Variants in PDZRN3 observed in about 807,000 individuals in gnomAD.
PDZRN3 encodes PDZ domain containing ring finger 3, also known as E3 ubiquitin-protein ligase PDZRN3.
PDZRN3 carries 38 observed loss-of-function variants against 85.7 expected under a neutral mutation model. The ratio of observed to expected loss-of-function variants is 0.44; its 90% CI spans 0.34 to 0.58. The LOEUF is 0.58. PDZRN3 is among the 20% of genes least tolerant of loss of function. The pLI, the probability that PDZRN3 is intolerant of heterozygous loss-of-function variation, is 0.01. For synonymous variants in PDZRN3, 759 were observed against 638.0 expected (o/e 1.19, Z -2.86); for missense variants, 1,629 against 1,506.4 (o/e 1.08, Z -1.35).
chr3:73,448,565 A>G (rs1174920112), intron 3 of PDZRN3, among the ~76,000 whole-genome samples: 2 of 152,218 alleles, frequency 1.3e-5, no homozygotes, highest in Non-Finnish European at 2.9e-5. Flanking sequence ...CTTCATTTGA[A>G]GAGCTAAACA....
chr3:73,450,957 A>G (rs1040903773), intron 3 of PDZRN3, among the ~76,000 whole-genome samples: 5 of 152,190 alleles, frequency 3.3e-5, no homozygotes, highest in Middle Eastern at 3.4e-3. Flanking sequence ...GCACATCTCA[A>G]ATTTCACCCA....
chr3:73,385,730 A>G lies in PDZRN3; in HGVS notation c.1574T>C (p.Met525Thr), dbSNP rs773401017. 6.2e-7 allele frequency: 1 copy of G among 1,614,068 alleles called. No individual in the cohort carries two copies. Among genetic ancestry groups the G allele is most frequent in the South Asian group, 1.1e-5 (1 of 91,082 alleles). Reference protein sequence around the residue: ...DRNDFLDDLHMDMLEEQHHQA... With the variant: ...DRNDFLDDLHTDMLEEQHHQA... ...GTGGTGCTGCTCCTCCAGCATGTCC[A>G]TGTGCAGGTCATCCAGAAAGTCGTT... The change falls in exon 9 of 10, where the codon ATG becomes ACG. Residue 525 changes from methionine to threonine, a missense_variant. Physicochemically the swap from Met to Thr is moderately conservative, Grantham distance 81 (BLOSUM62 -1). Transcript: ENST00000263666.
chr3:73,526,231 C>G (rs1397072584), intron 3 of PDZRN3, among the ~76,000 whole-genome samples: 1 of 152,200 alleles, frequency 6.6e-6, no homozygotes, highest in Non-Finnish European at 1.5e-5. Flanking sequence ...AAAATGAGCA[C>G]TATTATTATT....
intron 3 of PDZRN3, among the ~76,000 whole-genome samples, chr3:73,582,753 T>C (rs1702220329): frequency 6.6e-6 from 1 of 152,100 alleles, no homozygotes; most frequent in South Asian, 2.1e-4. Flanking sequence ...TTACCCCGCG[T>C]CTCAGTGGTG....
In PDZRN3 at chr3:73,486,662, A is replaced by G. The variant is rs185415599; in HGVS notation, c.919-82267T>C. Among the ~76,000 whole-genome samples, 583 of 152,362 alleles carry G rather than the reference A, an allele frequency of 3.8e-3. 3 individuals are homozygous for G. Among genetic ancestry groups the G allele is most frequent in the Admixed American group, 6.1e-3 (94 of 15,308 alleles). On this transcript the variant is annotated intron_variant, in intron 3 of 9. Coordinates refer to ENST00000263666, the MANE Select transcript of PDZRN3 (RefSeq NM_015009.3). ...TACCATAATTTTAAAAGAAGGAAAA[A>G]GTCATACATGCAATTTGTCAGGTCT...
At chr3:73,540,952 A>G (rs1464898716) in intron 3 of PDZRN3, among the ~76,000 whole-genome samples, 13 of 152,316 alleles carry the variant, frequency 8.5e-5, no homozygotes, top group East Asian at 3.9e-4. Flanking sequence ...TGTTTACCCA[A>G]TTCTTAAACT....
intron 3 of PDZRN3, among the ~76,000 whole-genome samples, chr3:73,492,429 T>C (rs550721879): frequency 6.6e-6 from 1 of 152,342 alleles, no homozygotes; most frequent in South Asian, 2.1e-4. Context: ...TTTGAATTTA[T>C]GACCCTTGCC....
intron 3 of PDZRN3, among the ~76,000 whole-genome samples, chr3:73,506,742 G>C (rs938896712): frequency 2.2e-4 from 33 of 152,098 alleles, no homozygotes; most frequent in African/African-American, 8.0e-4. Context: ...TTAATGGAAG[G>C]ATTTACATAT....
chr3:73,550,808 A>G (rs1210716947), intron 3 of PDZRN3, among the ~76,000 whole-genome samples: 2 of 152,230 alleles, frequency 1.3e-5, no homozygotes, highest in African/African-American at 4.8e-5. Context: ...AGCACAACCA[A>G]AACAAAACAA....
intron 3 of PDZRN3, among the ~76,000 whole-genome samples, chr3:73,506,895 C>CAAAAAAAA (rs11354960): frequency 7.6e-6 from 1 of 131,464 alleles, no homozygotes. Flanking sequence ...GACCATGTCT[C>CAAAAAAAA]AAAAAAAAAA....
intron 3 of PDZRN3, among the ~76,000 whole-genome samples, chr3:73,558,609 C>T (rs1347128776): frequency 1.3e-5 from 2 of 152,246 alleles, no homozygotes. Context: ...GTCCCGCTCC[C>T]TGGGTCAGGG....
intron 3 of PDZRN3, among the ~76,000 whole-genome samples, chr3:73,575,615 T>C (rs1162843108): frequency 6.6e-6 from 1 of 152,206 alleles, no homozygotes; most frequent in Admixed American, 6.5e-5. Context: ...ATGTGAACTT[T>C]ATCCAAGAAA....
chr3:73,607,795 T>C (rs1702624966), intron 2 of PDZRN3, among the ~76,000 whole-genome samples: 1 of 152,184 alleles, frequency 6.6e-6, no homozygotes, highest in South Asian at 2.1e-4. Flanking sequence ...AGGGCCTCAG[T>C]CTTTCTGGCC....
chr3:73,521,429 C>T (rs940255069), intron 3 of PDZRN3, among the ~76,000 whole-genome samples: 8 of 152,190 alleles, frequency 5.3e-5, no homozygotes, highest in African/African-American at 1.7e-4. Flanking sequence ...TGGGCTCGCT[C>T]GCTGCTCTGA....
chr3:73,406,630 A>G (rs764982817), intron 3 of PDZRN3, among the ~76,000 whole-genome samples: 7 of 152,162 alleles, frequency 4.6e-5, no homozygotes, highest in Non-Finnish European at 8.8e-5. Flanking sequence ...TATACCCACA[A>G]TGAATTCAGA....
chr3:73,561,316 G>A (rs1701809880), intron 3 of PDZRN3: 2 of 152,198 alleles, frequency 1.3e-5, no homozygotes, highest in Non-Finnish European at 2.9e-5. Flanking sequence ...CCCCCTCTTA[G>A]ACAAACTCCC....
rs1402729046 is a variant in PDZRN3 at position 73,383,243 on chromosome 3, T to G, written c.*122A>C. ...ACCCAGAGTTGTAGGGTTTGCAAAT[T>G]TGGACTATAAACATGAAGACCGTAC... On this transcript the variant is annotated 3_prime_UTR_variant, in exon 10 of 10. Transcript: ENST00000263666. 2.2e-6 allele frequency: 2 copies of G among 928,166 alleles called. No homozygotes were observed. Among genetic ancestry groups the G allele is most frequent in the Admixed American group, 5.0e-5 (2 of 40,126 alleles). The allele number at this position is 928,166 out of a possible 1,614,324, so 57.5% of individuals were successfully genotyped here.
chr3:73,493,438 G>A (rs907695094), intron 3 of PDZRN3, among the ~76,000 whole-genome samples: 8 of 152,160 alleles, frequency 5.3e-5, no homozygotes, highest in Non-Finnish European at 8.8e-5. Flanking sequence ...TTCCAAACCT[G>A]GGTGACTGAG....
intron 3 of PDZRN3, chr3:73,593,942 T>C (rs1429916067): frequency 6.6e-6 from 1 of 152,230 alleles, no homozygotes; most frequent in East Asian, 1.9e-4. Context: ...TTGTTTCTAC[T>C]GGTTTTTCTA....
Sources: allele counts gnomAD v4.1 joint callset (sites outside exome capture counted in the v4.1 genomes callset), GRCh38; gene constraint gnomAD v4.1.1; transcripts MANE v1.5; gene names NCBI Gene and HGNC (gene_info 2026-07-23, HGNC 2026-07-21).